The following TEX14 variants were observed in gnomAD, a reference collection of about 807,000 sequenced individuals.
The protein encoded by TEX14 is testis expressed 14, intercellular bridge forming factor.
Under a neutral mutation model 178.6 loss-of-function variants are expected in TEX14, and 168 were observed. That is an observed-to-expected ratio of 0.94 (90% CI 0.83 to 1.07). TEX14 has a LOEUF of 1.07. Ranked by LOEUF, TEX14 falls within the 50% of genes least tolerant of loss-of-function variation. The pLI is 0.00. For missense variants in TEX14, 1,730 were observed against 1,753.6 expected (o/e 0.99, Z 0.24); for synonymous variants, 626 against 634.1 (o/e 0.99, Z 0.19).
chr17:58,607,819 C>T (rs112303679), intron 10 of TEX14, among the ~76,000 whole-genome samples: 2,380 of 152,342 alleles, frequency 0.016, 28 homozygotes, highest in Non-Finnish European at 0.026. Flanking sequence ...TCAACTAGAT[C>T]ATCCAATCAT....
At chr17:58,633,325 A>C (rs1254511876) in intron 2 of TEX14, among the ~76,000 whole-genome samples, 1 of 152,210 alleles carries the variant, frequency 6.6e-6, no homozygotes, top group Non-Finnish European at 1.5e-5. Context: ...TGAGACTTTA[A>C]GTTTCAGACT....
rs139654712 is a variant in TEX14 at position 58,578,620 on chromosome 17, C to T, written c.3238+1045G>A. Among the ~76,000 whole-genome samples, 17 of 152,310 alleles carry T rather than the reference C, an allele frequency of 1.1e-4. No homozygotes were observed. In the East Asian group the frequency reaches 1.3e-3, roughly 12 times the overall value. ...TATTAAACTAGCTCTGGTTATCTGA[C>T]CTGTCTGCCCTAAACTTTTCCATCC... On this transcript the variant is annotated intron_variant, in intron 20 of 31. Coordinates refer to ENST00000349033, the MANE Select transcript of TEX14 (RefSeq NM_031272.5).
At chr17:58,584,995 C>A (rs2044919172) in intron 18 of TEX14, among the ~76,000 whole-genome samples, 1 of 151,970 alleles carries the variant, frequency 6.6e-6, no homozygotes, top group African/African-American at 2.4e-5. Flanking sequence ...TTTTTTTTAA[C>A]CTGTAAATCT....
chr17:58,654,913 T>C (rs2046918828), intron 1 of TEX14, among the ~76,000 whole-genome samples: 1 of 151,880 alleles, frequency 6.6e-6, no homozygotes, highest in Non-Finnish European at 1.5e-5. Context: ...CACCCCAAAA[T>C]GTGCTGGGAT....
chr17:58,678,853 T>TAAA (rs770448290), intron 1 of TEX14, among the ~76,000 whole-genome samples: 5 of 146,794 alleles, frequency 3.4e-5, no homozygotes, highest in African/African-American at 1.3e-4. Context: ...ATAATAATAA[T>TAAA]AAAAGAGAAG....
intron 1 of TEX14, among the ~76,000 whole-genome samples, chr17:58,656,129 T>C (rs1023277625): frequency 2.0e-5 from 3 of 152,102 alleles, no homozygotes; most frequent in African/African-American, 7.2e-5. Flanking sequence ...GGCGAAATGC[T>C]GTCTCTACAA....
At position 58,569,082 on chromosome 17, in the gene TEX14, T is replaced by TC. The variant is rs1362875408; in HGVS notation, c.3886+109dup. 2.3e-6 allele frequency: 2 copies of TC among 863,484 alleles called. No individual in the cohort carries two copies. Among genetic ancestry groups the TC allele is most frequent in the African/African-American group, 1.7e-5 (1 of 57,708 alleles). 53.5% of individuals were successfully genotyped at this position (863,484 alleles called of 1,614,324 possible). ...CCCCTTCCTATATTCAACCAGGCCA[T>TC]CATACAGCCTTTTATACTAGTGTTC... On this transcript the variant is annotated intron_variant, in intron 26 of 31. Coordinates refer to ENST00000349033, the MANE Select transcript of TEX14 (RefSeq NM_031272.5). This position sits in a 1 kb window ranked among gnomAD's most constrained non-coding sequence, Gnocchi z 4.1.
In TEX14 at chr17:58,568,852, TG is replaced by T. The variant is rs1230846113; in HGVS notation, c.3886+339del. Among the ~76,000 whole-genome samples, 3 of 152,298 alleles carry T rather than the reference TG, an allele frequency of 2.0e-5. No individual in the cohort carries two copies. In the East Asian group the frequency reaches 5.8e-4, roughly 29 times the overall value. ...AGCTAGACCTCAGGCCTCAAAGGAA[TG>T]GCTGGTTTGGTCTGAAAAGGAGATA... On this transcript the variant is annotated intron_variant, in intron 26 of 31. Transcript: ENST00000349033.
chr17:58,663,480 T>C (rs1009975118), intron 1 of TEX14, among the ~76,000 whole-genome samples: 3 of 151,980 alleles, frequency 2.0e-5, no homozygotes, highest in Non-Finnish European at 4.4e-5. Context: ...ATTTTTTTTT[T>C]TTTTAAGACA....
rs902653385 is a variant in TEX14, at chr17:58,599,365, C to T, written c.1980G>A (p.Met660Ile). The T allele has an allele frequency of 6.2e-7, 1 of 1,614,164 alleles. No individual in the cohort carries two copies. The highest frequency in any genetic ancestry group is 8.5e-7 in the Non-Finnish European group (1 of 1,180,040). The change falls in exon 14 of 32, where the codon ATG becomes ATA. Residue 660 changes from methionine to isoleucine, a missense_variant. Transcript: ENST00000349033. Reference protein sequence around the residue: ...GPNQVDELKSMEEELDKMERE... With the variant: ...GPNQVDELKSIEEELDKMERE... Reference sequence around the variant, plus strand: ...TCTCCATCTTATCCAGCTCTTCTTCCATGGATTTCAGTTCATCTACCTGGT... The same window carrying T: ...TCTCCATCTTATCCAGCTCTTCTTCTATGGATTTCAGTTCATCTACCTGGT...
chr17:58,565,703 G>T, intron 27 of TEX14, 44 bp downstream of exon 27: 2 of 1,439,700 alleles, frequency 1.4e-6, no homozygotes, highest in Non-Finnish European at 1.9e-6. Context: ...GCCAAGGACA[G>T]CGTTAAAAGA....
rs1471325982 is a variant in TEX14, at chr17:58,661,589, G to A, written c.-1-9587C>T. 2.8e-6 allele frequency: 2 copies of A among 725,998 alleles called. 1 individual carries two copies. Among genetic ancestry groups the A allele is most frequent in the South Asian group, 3.0e-5 (2 of 65,816 alleles). 45.0% of individuals were successfully genotyped at this position (725,998 alleles called of 1,614,324 possible). On this transcript the variant is annotated intron_variant, in intron 1 of 31. Coordinates refer to ENST00000349033, the MANE Select transcript of TEX14 (RefSeq NM_031272.5). Reference sequence around the variant, plus strand: ...CGGCGGCGGCAGGAACTCGTCTTCAGCAGCTGCCATCTTGGGAAGGCTGAT... The same window carrying A: ...CGGCGGCGGCAGGAACTCGTCTTCAACAGCTGCCATCTTGGGAAGGCTGAT...
In TEX14 at chr17:58,572,020, T is replaced by C. The variant is rs775689003; in HGVS notation, c.3618A>G (p.Gln1206=). 67 of 1,614,062 alleles carry C rather than the reference T, an allele frequency of 4.2e-5. No homozygotes were observed. Among genetic ancestry groups the C allele is most frequent in the African/African-American group, 1.1e-4 (8 of 74,936 alleles). ...ASCWNSQEFI[Q]TLSDDFISVR... ...CACTTATAAAGTCATCAGACAAAGT[T>C]TGAATAAATTCTTGACTGTTCCAGC... The change falls in exon 24 of 32, where the codon CAA becomes CAG. Residue 1206 remains glutamine (Q), a synonymous_variant. Coordinates refer to ENST00000349033, the MANE Select transcript of TEX14 (RefSeq NM_031272.5).
At chr17:58,597,154 T>G (rs779892070) in intron 14 of TEX14, among the ~76,000 whole-genome samples, 1 of 151,942 alleles carries the variant, frequency 6.6e-6, no homozygotes, top group Non-Finnish European at 1.5e-5. Flanking sequence ...TCCTAGCACT[T>G]TGGGAGGCTG....
intron 2 of TEX14, among the ~76,000 whole-genome samples, chr17:58,642,084 T>G (rs779108775): frequency 3.3e-5 from 5 of 152,216 alleles, no homozygotes; most frequent in Admixed American, 6.5e-5. Context: ...GAATGACTCA[T>G]CTTCCTGGCT....
chr17:58,665,259 T>C (rs2047184667), intron 1 of TEX14, among the ~76,000 whole-genome samples: 1 of 151,726 alleles, frequency 6.6e-6, no homozygotes, highest in Non-Finnish European at 1.5e-5. Context: ...CCCAAAGTAC[T>C]GGGATTACAA....
intron 1 of TEX14, chr17:58,660,722 T>C (rs1402312897): frequency 1.3e-6 from 1 of 781,488 alleles, no homozygotes; most frequent in East Asian, 2.4e-5. Flanking sequence ...TCTGAATTCT[T>C]CTGGTGTTGC....
Position 58,621,647 on chromosome 17 carries a change from C to A in TEX14, c.554+3G>T. 6.2e-7 allele frequency: 1 copy of A among 1,612,270 alleles called. No homozygotes were observed. The highest frequency in any genetic ancestry group is 8.5e-7 in the Non-Finnish European group (1 of 1,179,118). On this transcript the variant is annotated splice_donor_region_variant and intron_variant, in intron 5 of 31. Transcript: ENST00000349033. Reference sequence around the variant, plus strand: ...ATCCCACTCTGCTCAAGGCAGTACTCACCCCTGCACGAGGCCCCCACACCA... The same window carrying A: ...ATCCCACTCTGCTCAAGGCAGTACTAACCCCTGCACGAGGCCCCCACACCA...
chr17:58,573,533 G>C (rs1486522793), intron 22 of TEX14, among the ~76,000 whole-genome samples: 1 of 151,788 alleles, frequency 6.6e-6, no homozygotes, highest in African/African-American at 2.4e-5. Context: ...TTTTTTGGCG[G>C]CAGGGACAGA....
Sources: gnomAD v4.1 joint callset for allele counts (sites outside exome capture counted in the v4.1 genomes callset) on GRCh38, gnomAD v4.1.1 for gene constraint, Gnocchi (gnomAD v3.1) non-coding constraint, MANE v1.5 for transcripts, NCBI Gene and HGNC (gene_info 2026-07-23, HGNC 2026-07-21) for gene names.